RAB11FIP4: variants seen among roughly 807,000 people sequenced by gnomAD.
The protein encoded by RAB11FIP4 is RAB11 family interacting protein 4, also known as rab11 family-interacting protein 4.
RAB11FIP4 carries 23 observed loss-of-function variants against 74.3 expected under a neutral mutation model. That is an observed-to-expected ratio of 0.31 (90% CI 0.22 to 0.44). RAB11FIP4 has a LOEUF of 0.44. Among genes scored for constraint, RAB11FIP4 ranks in the 20% least tolerant of loss-of-function variants. The probability of loss-of-function intolerance (pLI) is 1.00; values close to 1 mark genes in which losing one functional copy is unlikely to be tolerated. For missense variants in RAB11FIP4, 630 were observed against 863.9 expected, an observed-to-expected ratio of 0.73 and a Z score of 3.39; for synonymous variants, 360 against 359.9, an observed-to-expected ratio of 1.00 and a Z score of 0.00.
chr17:31,403,259 A>T (rs1468126044), intron 1 of RAB11FIP4, among the ~76,000 whole-genome samples: 1 of 151,838 alleles, frequency 6.6e-6, no homozygotes, highest in Admixed American at 6.6e-5. Flanking sequence ...GACAGAGAGG[A>T]TATGGAGACC....
At chr17:31,517,585 C>G (rs2072580800) in intron 3 of RAB11FIP4, 66 bp from the exon 4 acceptor site, 2 of 1,465,714 alleles carry the variant, frequency 1.4e-6, no homozygotes, top group Non-Finnish European at 1.9e-6. Context: ...CCCTTGTGGT[C>G]TGATTGGAAC....
chr17:31,521,168 C>G lies in RAB11FIP4; in HGVS notation c.566C>G (p.Ser189Cys). The G allele has an allele frequency of 1.9e-6, 3 of 1,573,860 alleles. No homozygotes were observed. Among genetic ancestry groups the G allele is most frequent in the South Asian group, 1.2e-5 (1 of 86,216 alleles). Residue 189 changes from serine (S) to cysteine (C), a missense_variant and splice_region_variant, in exon 5 of 15, where the codon TCC becomes TGC. Ser to Cys is a moderately radical substitution (Grantham distance 112). Coordinates refer to ENST00000621161, the MANE Select transcript of RAB11FIP4 (RefSeq NM_032932.6). ...CTTGGGTGCTCTCGGACCCTCAGGT[C>G]CCTGGTCCACACTCCATCCATGACG... is the stretch of plus-strand genomic sequence containing the variant. ...LGGLFLPEDK[S>C]LVHTPSMTTS...
chr17:31,409,403 A>G (rs1402109380), intron 1 of RAB11FIP4, among the ~76,000 whole-genome samples: 1 of 152,152 alleles, frequency 6.6e-6, no homozygotes, highest in Admixed American at 6.5e-5. Flanking sequence ...CAGTTGATGT[A>G]AAGAATTATG....
At chr17:31,499,338 T>A (rs2072174718) in intron 3 of RAB11FIP4, among the ~76,000 whole-genome samples, 1 of 151,942 alleles carries the variant, frequency 6.6e-6, no homozygotes, top group African/African-American at 2.4e-5. Flanking sequence ...TTCCCCCACT[T>A]TTTCTTTTCC....
intron 3 of RAB11FIP4, among the ~76,000 whole-genome samples, chr17:31,441,171 C>T (rs2071403907): frequency 6.6e-6 from 1 of 151,960 alleles, no homozygotes; most frequent in Non-Finnish European, 1.5e-5. Context: ...ACTACAGGTG[C>T]CCACCACCAT....
chr17:31,457,110 G>A (rs1161228014), intron 3 of RAB11FIP4, among the ~76,000 whole-genome samples: 1 of 152,138 alleles, frequency 6.6e-6, no homozygotes, highest in African/African-American at 2.4e-5. Flanking sequence ...GGTGAGGGTG[G>A]CCAAAGTTCA....
chr17:31,423,080 C>T (rs1384326937), intron 1 of RAB11FIP4, among the ~76,000 whole-genome samples: 1 of 152,112 alleles, frequency 6.6e-6, no homozygotes, highest in Non-Finnish European at 1.5e-5. Context: ...CCACCACGAC[C>T]AGCTAATTTT....
chr17:31,505,404 TATA>T (rs1421044249), intron 3 of RAB11FIP4, among the ~76,000 whole-genome samples: 3 of 113,020 alleles, frequency 2.7e-5, no homozygotes, highest in South Asian at 2.3e-4. Flanking sequence ...AATAATAATA[TATA>T]ATAATTATTA....
At chr17:31,442,003 C>CTT (rs749296163) in intron 3 of RAB11FIP4, among the ~76,000 whole-genome samples, 3 of 144,854 alleles carry the variant, frequency 2.1e-5, no homozygotes, top group Non-Finnish European at 3.0e-5. Context: ...CGTATATACA[C>CTT]TTTTTTTTTT....
intron 3 of RAB11FIP4, among the ~76,000 whole-genome samples, chr17:31,434,912 G>C (rs76727947): frequency 6.6e-6 from 1 of 152,208 alleles, no homozygotes; most frequent in African/African-American, 2.4e-5. Context: ...TAGGCCTGGC[G>C]TGATGGCTGA....
chr17:31,468,606 G>A (rs543068213), intron 3 of RAB11FIP4, among the ~76,000 whole-genome samples: 6 of 152,042 alleles, frequency 3.9e-5, no homozygotes, highest in Admixed American at 1.3e-4. Flanking sequence ...CGAGGCAGGC[G>A]GACCACAAGG....
At chr17:31,396,376 C>T (rs1356091401) in intron 1 of RAB11FIP4, among the ~76,000 whole-genome samples, 2 of 152,046 alleles carry the variant, frequency 1.3e-5, no homozygotes, top group African/African-American at 2.4e-5. Context: ...TCCCTAACCT[C>T]TTTAGGCCTC....
At chr17:31,413,466 G>A (rs577384852) in intron 1 of RAB11FIP4, among the ~76,000 whole-genome samples, 10 of 40,962 alleles carry the variant, frequency 2.4e-4, no homozygotes, top group South Asian at 1.6e-3. Context: ...CTCTTCCCCC[G>A]CCCCCATATT....
chr17:31,411,476 G>T (rs1426179676), intron 1 of RAB11FIP4, among the ~76,000 whole-genome samples: 2 of 152,206 alleles, frequency 1.3e-5, no homozygotes, highest in African/African-American at 4.8e-5. Flanking sequence ...GGTTTATTAA[G>T]TGAGGCCAGT....
At position 31,530,304 on chromosome 17, in the gene RAB11FIP4, G is replaced by A. The variant is rs750757550; in HGVS notation, c.1654-22G>A. 8.7e-6 allele frequency: 14 copies of A among 1,611,708 alleles called. No homozygotes were observed. In the East Asian group the frequency reaches 1.3e-4, roughly 15 times the overall value. On this transcript the variant is annotated intron_variant, in intron 13 of 14. Coordinates refer to ENST00000621161, the MANE Select transcript of RAB11FIP4 (RefSeq NM_032932.6). ...GTGGATGCCTCTTGGGGTTGATGTCGCCTTCGTCCTTCTCTCTGTAGGAGA... is the reference window on the plus strand; with the variant it reads ...GTGGATGCCTCTTGGGGTTGATGTCACCTTCGTCCTTCTCTCTGTAGGAGA...
intron 3 of RAB11FIP4, among the ~76,000 whole-genome samples, chr17:31,443,284 A>G (rs922770405): frequency 1.3e-5 from 2 of 152,196 alleles, no homozygotes; most frequent in African/African-American, 4.8e-5. Flanking sequence ...ACTTTTTGAC[A>G]TACATTAAAT....
At chr17:31,501,864 G>T (rs1332724747) in intron 3 of RAB11FIP4, 1 of 156,226 alleles carries the variant, frequency 6.4e-6, no homozygotes, top group African/African-American at 2.4e-5. Context: ...GCTCTTATGG[G>T]TACTTGAAGT....
rs1271210407 is a variant in RAB11FIP4 at position 31,445,530 on chromosome 17, TTTTATATATATA to T, written c.336+11410_336+11421del. ...AAAATCTACATTCAAATTTTCCCAA[TTTTATATATATA>T]TATATATATATATATATATATATAT... On this transcript the variant is annotated intron_variant, in intron 3 of 14. Coordinates refer to ENST00000621161, the MANE Select transcript of RAB11FIP4 (RefSeq NM_032932.6). Among the ~76,000 whole-genome samples, 58 of 36,766 alleles carry T rather than the reference TTTTATATATATA, an allele frequency of 1.6e-3. 3 individuals carry two copies. Among genetic ancestry groups the T allele is most frequent in the African/African-American group, 6.5e-3 (46 of 7,036 alleles). 24.1% of individuals were successfully genotyped at this position (36,766 alleles called of 152,430 possible). A position where few individuals can be genotyped will look rare whatever the true frequency, so the allele number is the denominator to read the frequency against.
intron 14 of RAB11FIP4, among the ~76,000 whole-genome samples, chr17:31,530,695 CAG>C (rs1471287056): frequency 6.6e-6 from 1 of 152,166 alleles, no homozygotes; most frequent in African/African-American, 2.4e-5. Flanking sequence ...GGGTTTGGTT[CAG>C]AGTGGAGTGT....
Sources: gnomAD v4.1 joint callset for allele counts (sites outside exome capture counted in the v4.1 genomes callset) on GRCh38, gnomAD v4.1.1 for gene constraint, MANE v1.5 for transcripts, NCBI Gene and HGNC (gene_info 2026-07-23, HGNC 2026-07-21) for gene names.